The following KCNT2 variants were observed in gnomAD, a reference collection of about 807,000 sequenced individuals.
KCNT2 encodes the protein potassium sodium-activated channel subfamily T member 2, also known as potassium channel subfamily T member 2.
In KCNT2, 67 loss-of-function variants were observed where a neutral mutation model predicts 153.8. The ratio of observed to expected loss-of-function variants is 0.44; its 90% CI spans 0.36 to 0.53. KCNT2 has a LOEUF of 0.53. KCNT2 is among the 20% of genes least tolerant of loss of function. The pLI, the probability that KCNT2 is intolerant of heterozygous loss-of-function variation, is 0.00. For synonymous variants in KCNT2, 500 were observed against 458.8 expected, an observed-to-expected ratio of 1.09 and a Z score of -1.15; for missense variants, 975 against 1,354.8, an observed-to-expected ratio of 0.72 and a Z score of 4.40.
intron 25 of KCNT2, among the ~76,000 whole-genome samples, chr1:196,265,255 G>T (rs1657429045): frequency 6.6e-6 from 1 of 152,112 alleles, no homozygotes; most frequent in Non-Finnish European, 1.5e-5. Flanking sequence ...TTGTTGTATT[G>T]TCGAGACAAT....
chr1:196,342,856 C>T (rs1665800516), intron 14 of KCNT2, among the ~76,000 whole-genome samples: 1 of 151,996 alleles, frequency 6.6e-6, no homozygotes, highest in African/African-American at 2.4e-5. Context: ...ACTGAATATT[C>T]TTGTAACCAC....
At chr1:196,371,583 T>C (rs1386455252) in intron 14 of KCNT2, among the ~76,000 whole-genome samples, 1 of 152,124 alleles carries the variant, frequency 6.6e-6, no homozygotes, top group African/African-American at 2.4e-5. Context: ...TAAAATAATT[T>C]TGCAAGTCAC....
intron 12 of KCNT2, among the ~76,000 whole-genome samples, chr1:196,410,445 A>T (rs972184413): frequency 6.6e-6 from 1 of 151,540 alleles, no homozygotes; most frequent in Non-Finnish European, 1.5e-5. Flanking sequence ...GAGGGATAGC[A>T]TTAGGAGATA....
intron 1 of KCNT2, among the ~76,000 whole-genome samples, chr1:196,596,665 T>C (rs1351147592): frequency 6.6e-6 from 1 of 152,172 alleles, no homozygotes; most frequent in East Asian, 1.9e-4. Flanking sequence ...TGTATATGGC[T>C]ATATTAATAA....
chr1:196,285,479 C>T (rs546705924), intron 23 of KCNT2, among the ~76,000 whole-genome samples, 178 bp downstream of exon 23: 27 of 151,956 alleles, frequency 1.8e-4, no homozygotes, highest in Non-Finnish European at 2.8e-4. Context: ...ATTTTTCTTA[C>T]AAAATGTTTC....
intron 12 of KCNT2, among the ~76,000 whole-genome samples, chr1:196,412,701 G>C (rs1026069762): frequency 3.3e-5 from 5 of 151,434 alleles, no homozygotes; most frequent in African/African-American, 1.2e-4. Context: ...AGCTGATTTT[G>C]GAAATTTTGA....
At chr1:196,585,185 AC>A (rs1460225227) in intron 1 of KCNT2, among the ~76,000 whole-genome samples, 1 of 152,152 alleles carries the variant, frequency 6.6e-6, no homozygotes, top group Non-Finnish European at 1.5e-5. Flanking sequence ...AAGCGCAAAA[AC>A]TGAGACTAGG....
intron 21 of KCNT2, among the ~76,000 whole-genome samples, chr1:196,307,139 CATT>C (rs1210923476): frequency 3.3e-5 from 5 of 152,026 alleles, no homozygotes; most frequent in African/African-American, 1.2e-4. Flanking sequence ...ACCTTAAATT[CATT>C]ACAGAAACTC....
chr1:196,414,643 C>G (rs879780178), intron 12 of KCNT2, among the ~76,000 whole-genome samples: 2 of 151,770 alleles, frequency 1.3e-5, no homozygotes, highest in Admixed American at 1.3e-4. Context: ...TCACTACTTA[C>G]CAGTGGTTTA....
At chr1:196,365,594 T>C (rs1215928168) in intron 14 of KCNT2, among the ~76,000 whole-genome samples, 2 of 152,326 alleles carry the variant, frequency 1.3e-5, no homozygotes, top group African/African-American at 2.4e-5. Context: ...TATTTGTTTG[T>C]TAATGTCATT....
chr1:196,313,724 A>C (rs1046963965), intron 21 of KCNT2, among the ~76,000 whole-genome samples: 1 of 151,666 alleles, frequency 6.6e-6, no homozygotes, highest in African/African-American at 2.4e-5. Context: ...TTATATACTT[A>C]GAGAAATAAT....
At chr1:196,463,835 T>C (rs369545259) in intron 8 of KCNT2, among the ~76,000 whole-genome samples, 2 of 151,878 alleles carry the variant, frequency 1.3e-5, no homozygotes, top group South Asian at 2.1e-4. Context: ...TAGGAGTGCA[T>C]AGAAAGCCAA....
At chr1:196,340,933 T>C (rs1006483742) in intron 15 of KCNT2, among the ~76,000 whole-genome samples, 1 of 151,862 alleles carries the variant, frequency 6.6e-6, no homozygotes, top group Non-Finnish European at 1.5e-5. Context: ...CTTAAAACTA[T>C]TGGCCAAAGG....
At chr1:196,481,047 A>C (rs913306677) in intron 4 of KCNT2, among the ~76,000 whole-genome samples, 1 of 152,126 alleles carries the variant, frequency 6.6e-6, no homozygotes, top group African/African-American at 2.4e-5. Context: ...TTTAATGAAC[A>C]TTTCAATATT....
intron 14 of KCNT2, among the ~76,000 whole-genome samples, chr1:196,348,082 A>G (rs1666291132): frequency 6.6e-6 from 1 of 152,150 alleles, no homozygotes; most frequent in Non-Finnish European, 1.5e-5. Flanking sequence ...ATAATCTAAC[A>G]ATGTTCTTCA....
intron 1 of KCNT2, among the ~76,000 whole-genome samples, chr1:196,540,927 G>A (rs866906033): frequency 8.6e-5 from 13 of 151,844 alleles, no homozygotes; most frequent in African/African-American, 2.7e-4. Flanking sequence ...TTAGCCAGGC[G>A]TGGTGGCGGG....
chr1:196,396,197 T>C (rs1670922458), intron 13 of KCNT2, among the ~76,000 whole-genome samples: 2 of 151,602 alleles, frequency 1.3e-5, no homozygotes, highest in South Asian at 4.1e-4. Context: ...CTAAACTGGG[T>C]TTCTTTATAT....
intron 21 of KCNT2, among the ~76,000 whole-genome samples, chr1:196,310,819 T>C (rs2148001095): frequency 6.6e-6 from 1 of 152,060 alleles, no homozygotes; most frequent in Non-Finnish European, 1.5e-5. Context: ...TTAAAATTTC[T>C]TTATTCTTCA....
intron 1 of KCNT2, among the ~76,000 whole-genome samples, chr1:196,541,945 C>T (rs1227861712): frequency 6.6e-6 from 1 of 151,668 alleles, no homozygotes; most frequent in Non-Finnish European, 1.5e-5. Context: ...ACAATTATTC[C>T]CTTTTCCAGA....
Sources: allele counts gnomAD v4.1 joint callset (sites outside exome capture counted in the v4.1 genomes callset), GRCh38; gene constraint gnomAD v4.1.1; transcripts MANE v1.5; gene names NCBI Gene and HGNC (gene_info 2026-07-23, HGNC 2026-07-21).